TMEM266: variants seen among roughly 807,000 people sequenced by gnomAD.
The protein encoded by TMEM266 is transmembrane protein 266.
TMEM266 carries 33 observed loss-of-function variants against 50.5 expected under a neutral mutation model. The observed-to-expected ratio is 0.65, with a 90% CI of 0.50 to 0.87. The LOEUF is 0.87. Among genes scored for constraint, TMEM266 ranks in the 40% least tolerant of loss-of-function variants. The pLI is 0.00. For synonymous variants in TMEM266, 310 were observed against 292.3 expected (o/e 1.06, Z -0.62); for missense variants, 655 against 695.1 (o/e 0.94, Z 0.65).
chr15:76,151,053 G>T (rs2037835229), intron 3 of TMEM266, among the ~76,000 whole-genome samples: 1 of 152,104 alleles, frequency 6.6e-6, no homozygotes, highest in Non-Finnish European at 1.5e-5. Context: ...TGCAGACTCT[G>T]GCAGCCCAAG....
intron 3 of TMEM266, among the ~76,000 whole-genome samples, chr15:76,154,256 T>C (rs2037888396): frequency 1.3e-5 from 2 of 152,328 alleles, no homozygotes; most frequent in South Asian, 2.1e-4. Flanking sequence ...AAATTGCTCA[T>C]TGTTTATGTG....
intron 4 of TMEM266, among the ~76,000 whole-genome samples, chr15:76,157,062 A>AT (rs909031589): frequency 4.0e-5 from 6 of 151,828 alleles, no homozygotes; most frequent in African/African-American, 9.7e-5. Context: ...CCCTGTATGC[A>AT]TTTTTTTTAA....
intron 1 of TMEM266, among the ~76,000 whole-genome samples, chr15:76,086,261 C>T (rs2959843): frequency 5.9e-5 from 9 of 151,896 alleles, no homozygotes; most frequent in Non-Finnish European, 1.2e-4. Flanking sequence ...GCTGAAGAAT[C>T]CAGGCACAGA....
intron 3 of TMEM266, among the ~76,000 whole-genome samples, chr15:76,145,800 A>T (rs1406433009): frequency 6.6e-6 from 1 of 152,220 alleles, no homozygotes; most frequent in African/African-American, 2.4e-5. Flanking sequence ...TGGTCAGTTG[A>T]TGCTTTCATT....
chr15:76,114,413 G>A (rs183316983), intron 1 of TMEM266, among the ~76,000 whole-genome samples: 10 of 152,258 alleles, frequency 6.6e-5, no homozygotes, highest in East Asian at 5.8e-4. Flanking sequence ...CTACCTACTC[G>A]GGAGGCTGAG....
At chr15:76,185,416 C>T (rs778802695) in intron 8 of TMEM266, among the ~76,000 whole-genome samples, 6 of 152,170 alleles carry the variant, frequency 3.9e-5, no homozygotes, top group Admixed American at 6.5e-5. Flanking sequence ...TTAAACCCAT[C>T]CAACCAACTA....
At chr15:76,194,802 T>C (rs1225560878) in intron 9 of TMEM266, among the ~76,000 whole-genome samples, 1 of 152,182 alleles carries the variant, frequency 6.6e-6, no homozygotes, top group Non-Finnish European at 1.5e-5. Context: ...GCCCCAGTCA[T>C]ATAAGGACCT....
intron 8 of TMEM266, among the ~76,000 whole-genome samples, chr15:76,184,452 A>G (rs1283065936): frequency 6.6e-6 from 1 of 152,238 alleles, no homozygotes; most frequent in Non-Finnish European, 1.5e-5. Context: ...CTCCTAAATC[A>G]TTAGTTTGCA....
intron 9 of TMEM266, among the ~76,000 whole-genome samples, chr15:76,198,686 C>T (rs2038693022): frequency 6.6e-6 from 1 of 152,270 alleles, no homozygotes; most frequent in Admixed American, 6.5e-5. Flanking sequence ...CCATGCCAAG[C>T]ACCAGGGAGA....
chr15:76,204,240 T>C lies in TMEM266; in HGVS notation c.1521T>C (p.Thr507=), dbSNP rs1205375940. The C allele has an allele frequency of 1.2e-6, 2 of 1,613,950 alleles. No individual in the cohort carries two copies. The highest frequency in any genetic ancestry group is 4.5e-5 in the East Asian group (2 of 44,870). The change falls in exon 11 of 11, where the codon ACT becomes ACC. Residue 507 remains threonine, a synonymous_variant. Transcript: ENST00000388942. ...GGCCTGTCATCCACTTCCAGCCCAC[T>C]GTGCCCATGCTGGAGGACAAGTTCA...
chr15:76,143,557 T>C (rs1040576418), intron 3 of TMEM266, among the ~76,000 whole-genome samples: 2 of 152,194 alleles, frequency 1.3e-5, no homozygotes, highest in Middle Eastern at 6.3e-3. Flanking sequence ...GGTCTCGCCA[T>C]GTTACCCAAG....
chr15:76,172,013 G>A (rs2038196058), intron 7 of TMEM266, among the ~76,000 whole-genome samples: 1 of 152,118 alleles, frequency 6.6e-6, no homozygotes, highest in African/African-American at 2.4e-5. Flanking sequence ...GGCTCCAGAG[G>A]GTGTCCTTGG....
rs1212087237 is a variant in TMEM266 at position 76,161,643 on chromosome 15, C to T, written c.456+1475C>T. Among the ~76,000 whole-genome samples the T allele has an allele frequency of 6.6e-6, 1 of 152,182 alleles. No individual in the cohort carries two copies. Among genetic ancestry groups the T allele is most frequent in the Non-Finnish European group, 1.5e-5 (1 of 68,016 alleles). ...ACGGAGCTGGCTGGTGAGCCTGGGC[C>T]TGAGGCTCAGATGGAGGGGGCAGAT... On this transcript the variant is annotated intron_variant, in intron 5 of 10. Coordinates refer to ENST00000388942, the MANE Select transcript of TMEM266 (RefSeq NM_152335.3). This position sits in a 1 kb window ranked among gnomAD's most constrained non-coding sequence, Gnocchi z 4.1.
At chr15:76,150,621 G>C (rs931820265) in intron 3 of TMEM266, among the ~76,000 whole-genome samples, 1 of 152,194 alleles carries the variant, frequency 6.6e-6, no homozygotes, top group Non-Finnish European at 1.5e-5. Flanking sequence ...CAGCCTGGCA[G>C]CCACTGCAGA....
chr15:76,198,248 G>A (rs886845122), intron 9 of TMEM266, among the ~76,000 whole-genome samples: 6 of 152,218 alleles, frequency 3.9e-5, no homozygotes, highest in Admixed American at 6.5e-5. Context: ...GGTTGGCCCT[G>A]GGTCTGTTTT....
chr15:76,066,946 T>C (rs779369505), intron 1 of TMEM266, among the ~76,000 whole-genome samples: 1 of 152,122 alleles, frequency 6.6e-6, no homozygotes, highest in Admixed American at 6.5e-5. Flanking sequence ...TCCGTGACCC[T>C]TACCCACTAG....
intron 9 of TMEM266, among the ~76,000 whole-genome samples, chr15:76,196,853 A>G (rs1055844979): frequency 6.7e-6 from 1 of 148,912 alleles, no homozygotes; most frequent in African/African-American, 2.5e-5. Context: ...AATCATTTTT[A>G]AAACCTAGGC....
chr15:76,115,632 CTG>C (rs1454689539), intron 1 of TMEM266, among the ~76,000 whole-genome samples: 1 of 152,220 alleles, frequency 6.6e-6, no homozygotes, highest in Non-Finnish European at 1.5e-5. Context: ...ACTTTTGGCA[CTG>C]TGTCCCCGGG....
At chr15:76,067,564 C>T (rs1414199026) in intron 1 of TMEM266, among the ~76,000 whole-genome samples, 22 of 142,296 alleles carry the variant, frequency 1.5e-4, no homozygotes, top group South Asian at 4.4e-4. Flanking sequence ...ACCCTGGAGG[C>T]GGAGGTTGCA....
Sources: allele counts gnomAD v4.1 joint callset (sites outside exome capture counted in the v4.1 genomes callset), GRCh38; gene constraint gnomAD v4.1.1; non-coding constraint Gnocchi (gnomAD v3.1); transcripts MANE v1.5; gene names NCBI Gene and HGNC (gene_info 2026-07-23, HGNC 2026-07-21).